The following AFG2A variants were observed in gnomAD, a reference collection of about 807,000 sequenced individuals.
AFG2A encodes the protein AAA ATPase AFG2A.
At chr4:123,266,013 T>G in the AFG2A span, among the ~76,000 whole-genome samples, 5 of 152,176 alleles carry the variant, frequency 3.3e-5, no homozygotes, top group Admixed American at 1.3e-4. Context: ...GAGGAGCTTA[T>G]GATGTTAAAA....
the AFG2A span, among the ~76,000 whole-genome samples, chr4:123,165,330 A>G: frequency 6.6e-6 from 1 of 152,130 alleles, no homozygotes; most frequent in Non-Finnish European, 1.5e-5. Context: ...TATTTCCTAA[A>G]AATTATTGAA....
At chr4:123,169,988 G>A in the AFG2A span, among the ~76,000 whole-genome samples, 2 of 152,190 alleles carry the variant, frequency 1.3e-5, no homozygotes, top group Non-Finnish European at 2.9e-5. Context: ...ACAACTTGAG[G>A]TGGACTGTGA....
At chr4:123,015,189 T>TC in the AFG2A span, among the ~76,000 whole-genome samples, 79 of 150,540 alleles carry the variant, frequency 5.2e-4, no homozygotes, top group African/African-American at 1.1e-3. Context: ...TTTCTTTCTT[T>TC]TTTTTTTTTT....
chr4:122,964,501 CAAAAA>C, the AFG2A span, among the ~76,000 whole-genome samples: 3 of 126,058 alleles, frequency 2.4e-5, no homozygotes. Flanking sequence ...AAGACTGTCT[CAAAAA>C]AAAAAAAAAA....
chr4:123,117,981 G>A, the AFG2A span, among the ~76,000 whole-genome samples: 1 of 151,944 alleles, frequency 6.6e-6, no homozygotes, highest in African/African-American at 2.4e-5. Context: ...TTTAGAGATT[G>A]CAGTGTATAA....
At chr4:123,233,904 A>G in the AFG2A span, among the ~76,000 whole-genome samples, 45 of 152,252 alleles carry the variant, frequency 3.0e-4, no homozygotes, top group East Asian at 7.3e-3. Context: ...TGGATCTGTC[A>G]GAAACAGCTT....
the AFG2A span, among the ~76,000 whole-genome samples, chr4:122,984,171 G>A: frequency 5.9e-5 from 9 of 152,034 alleles, no homozygotes; most frequent in South Asian, 4.1e-4. Context: ...GAGGTCTTTC[G>A]ACTCCTTGGT....
the AFG2A span, among the ~76,000 whole-genome samples, chr4:123,212,708 C>CA: frequency 2.6e-5 from 4 of 152,220 alleles, no homozygotes; most frequent in Admixed American, 1.3e-4. Context: ...AGGGATCAGG[C>CA]AAAATTGCTT....
At chr4:122,982,470 A>G in the AFG2A span, among the ~76,000 whole-genome samples, 1 of 152,202 alleles carries the variant, frequency 6.6e-6, no homozygotes, top group African/African-American at 2.4e-5. Flanking sequence ...CTATTCTTAC[A>G]GCATTCTTGT....
At chr4:123,017,175 AGGGG>A in the AFG2A span, among the ~76,000 whole-genome samples, 197 of 57,666 alleles carry the variant, frequency 3.4e-3, 10 homozygotes, top group African/African-American at 0.027. Context: ...GGAGAGGGAG[AGGGG>A]GGAGAGGGAA....
chr4:123,024,533 A>G, the AFG2A span, among the ~76,000 whole-genome samples: 1 of 152,222 alleles, frequency 6.6e-6, no homozygotes, highest in East Asian at 1.9e-4. Flanking sequence ...TCATGAATCA[A>G]TCATGATGGT....
the AFG2A span, among the ~76,000 whole-genome samples, chr4:123,129,350 A>G: frequency 6.6e-6 from 1 of 152,208 alleles, no homozygotes; most frequent in African/African-American, 2.4e-5. Context: ...CCTGCCGTTT[A>G]AGAGCATAAC....
At chr4:123,155,205 C>T in the AFG2A span, among the ~76,000 whole-genome samples, 20 of 152,234 alleles carry the variant, frequency 1.3e-4, no homozygotes, top group East Asian at 3.9e-3. Flanking sequence ...TCACTTCAGC[C>T]TCCCGAGTAG....
the AFG2A span, among the ~76,000 whole-genome samples, chr4:123,084,577 ATAG>A: frequency 7.3e-6 from 1 of 137,680 alleles, no homozygotes; most frequent in Middle Eastern, 3.4e-3. Context: ...ATATATGTAA[ATAG>A]TATATATATA....
chr4:123,035,941 G>T, the AFG2A span, among the ~76,000 whole-genome samples: 1 of 152,068 alleles, frequency 6.6e-6, no homozygotes, highest in East Asian at 1.9e-4. Context: ...TTATTGTTGG[G>T]TTTAATTTTT....
At chr4:123,034,564 C>T in the AFG2A span, among the ~76,000 whole-genome samples, 1 of 71,842 alleles carries the variant, frequency 1.4e-5, no homozygotes, top group South Asian at 7.9e-4. Context: ...GTGTAGGATG[C>T]TGGAATGAAA....
At chr4:123,112,439 A>G in the AFG2A span, among the ~76,000 whole-genome samples, 1 of 152,226 alleles carries the variant, frequency 6.6e-6, no homozygotes, top group Admixed American at 6.5e-5. Context: ...AGCATTCTCT[A>G]TCTCAAGCAG....
At chr4:122,994,183 T>C in the AFG2A span, among the ~76,000 whole-genome samples, 2 of 152,166 alleles carry the variant, frequency 1.3e-5, no homozygotes, top group African/African-American at 4.8e-5. Flanking sequence ...AGCTGATTTC[T>C]TCTATGATTT....
At chr4:122,980,433 A>C in the AFG2A span, among the ~76,000 whole-genome samples, 3 of 152,244 alleles carry the variant, frequency 2.0e-5, no homozygotes, top group Admixed American at 6.5e-5. Flanking sequence ...TTGATTCCCT[A>C]TCTTGGATGT....
Sources: gnomAD v4.1 joint callset for allele counts (sites outside exome capture counted in the v4.1 genomes callset) on GRCh38, gnomAD v4.1.1 for gene constraint, MANE v1.5 for transcripts, NCBI Gene and HGNC (gene_info 2026-07-23, HGNC 2026-07-21) for gene names.